Variants in CHRM2 observed in about 807,000 individuals in gnomAD.
The protein encoded by CHRM2 is muscarinic acetylcholine receptor M2.
In CHRM2, 8 loss-of-function variants were observed where a neutral mutation model predicts 25.0. The observed-to-expected ratio is 0.32, with a 90% CI of 0.19 to 0.58. The LOEUF is 0.58. CHRM2 is among the 20% of genes least tolerant of loss of function. CHRM2 has a pLI of 0.88. For synonymous variants in CHRM2, 202 were observed against 205.7 expected (o/e 0.98, Z 0.15); for missense variants, 440 against 567.1 (o/e 0.78, Z 2.28).
chr7:136,937,526 T>C (rs1799489576), intron 2 of CHRM2, among the ~76,000 whole-genome samples: 1 of 152,178 alleles, frequency 6.6e-6, no homozygotes, highest in Admixed American at 6.5e-5. Context: ...GCAATGACTG[T>C]AATCACATTA....
At chr7:136,963,381 G>A (rs749179664) in intron 2 of CHRM2, among the ~76,000 whole-genome samples, 4 of 152,100 alleles carry the variant, frequency 2.6e-5, no homozygotes, top group Non-Finnish European at 5.9e-5. Context: ...CTGCTCTTGA[G>A]GAACTTACAA....
intron 2 of CHRM2, among the ~76,000 whole-genome samples, chr7:136,981,708 C>T (rs1180610377): frequency 3.9e-5 from 6 of 152,074 alleles, no homozygotes; most frequent in Admixed American, 3.9e-4. Context: ...GCTATTTACC[C>T]AGTAGTTTTT....
At chr7:136,904,669 T>C (rs1797435173) in intron 2 of CHRM2, among the ~76,000 whole-genome samples, 1 of 151,964 alleles carries the variant, frequency 6.6e-6, no homozygotes, top group Admixed American at 6.6e-5. Context: ...TTCTGCATTA[T>C]AAAATTTTGA....
At chr7:136,953,534 A>C (rs1424546) in intron 2 of CHRM2, among the ~76,000 whole-genome samples, 47,263 of 151,934 alleles carry the variant, frequency 0.31, 7,801 homozygotes, top group East Asian at 0.43. Flanking sequence ...ATGGGACATT[A>C]AGTTATGCCA....
intron 2 of CHRM2, among the ~76,000 whole-genome samples, chr7:136,872,683 A>G (rs1046040272): frequency 1.3e-5 from 2 of 152,212 alleles, no homozygotes; most frequent in African/African-American, 4.8e-5. Flanking sequence ...AATGGAAGTT[A>G]GGCTGGCTAA....
intron 2 of CHRM2, among the ~76,000 whole-genome samples, chr7:136,931,375 C>T (rs1799094960): frequency 6.6e-6 from 1 of 152,100 alleles, no homozygotes. Flanking sequence ...GATTTTGATT[C>T]CTAAAGTGGC....
At chr7:136,943,245 A>G (rs1287343428) in intron 2 of CHRM2, among the ~76,000 whole-genome samples, 2 of 152,162 alleles carry the variant, frequency 1.3e-5, no homozygotes, top group Non-Finnish European at 2.9e-5. Context: ...AGCCGTACTG[A>G]ATAAATCTAT....
At chr7:136,952,452 T>C (rs1038979136) in intron 2 of CHRM2, among the ~76,000 whole-genome samples, 17 of 152,166 alleles carry the variant, frequency 1.1e-4, no homozygotes, top group African/African-American at 4.1e-4. Flanking sequence ...ACCAGTGGCA[T>C]TGTTCAAATT....
intron 2 of CHRM2, among the ~76,000 whole-genome samples, chr7:136,898,235 C>T (rs1440510681): frequency 6.6e-6 from 1 of 151,980 alleles, no homozygotes; most frequent in Non-Finnish European, 1.5e-5. Context: ...CTCATGTTAG[C>T]CTTATGTACT....
intron 2 of CHRM2, among the ~76,000 whole-genome samples, chr7:136,982,861 G>A (rs1259577285): frequency 6.6e-6 from 1 of 152,018 alleles, no homozygotes; most frequent in Non-Finnish European, 1.5e-5. Flanking sequence ...CTTTCTCTCT[G>A]CTGCCCTTAA....
At chr7:136,941,538 C>G (rs192526439) in intron 2 of CHRM2, among the ~76,000 whole-genome samples, 6 of 152,280 alleles carry the variant, frequency 3.9e-5, no homozygotes, top group African/African-American at 1.2e-4. Flanking sequence ...GTGTTCTCCC[C>G]ACATGGGTTT....
rs1268920919 is a variant in CHRM2 at position 137,016,167 on chromosome 7, T to G, written c.1302T>G (p.Thr434=). 1 of 1,613,102 alleles carries G rather than the reference T, an allele frequency of 6.2e-7. No homozygotes were observed. The highest frequency in any genetic ancestry group is 2.2e-5 in the East Asian group (1 of 44,794). ...IGYWLCYINS[T]INPACYALCN... is the part of the protein sequence containing the mutation. ...ACTGGCTTTGTTACATCAACAGCACTATCAACCCTGCCTGCTATGCACTTT... is the reference window on the plus strand; with the variant it reads ...ACTGGCTTTGTTACATCAACAGCACGATCAACCCTGCCTGCTATGCACTTT... Residue 434 remains threonine, a synonymous_variant, in exon 4 of 4, where the codon ACT becomes ACG. Transcript: ENST00000680005.
At chr7:136,931,043 G>A (rs549119660) in intron 2 of CHRM2, among the ~76,000 whole-genome samples, 8 of 152,020 alleles carry the variant, frequency 5.3e-5, no homozygotes, top group East Asian at 1.9e-4. Flanking sequence ...TTTCTGGTAC[G>A]ATTATCTCCT....
chr7:136,973,892 A>G (rs1386631618), intron 2 of CHRM2, among the ~76,000 whole-genome samples: 2 of 152,152 alleles, frequency 1.3e-5, no homozygotes, highest in East Asian at 3.8e-4. Flanking sequence ...AGAAAAATGT[A>G]ATGATTATTT....
intron 2 of CHRM2, among the ~76,000 whole-genome samples, chr7:136,981,239 T>A (rs1182642907): frequency 6.6e-6 from 1 of 152,222 alleles, no homozygotes; most frequent in Non-Finnish European, 1.5e-5. Context: ...CAGAGGTGTT[T>A]ATAGGATTCT....
chr7:137,003,640 T>C (rs762778476), intron 3 of CHRM2, among the ~76,000 whole-genome samples: 2 of 152,086 alleles, frequency 1.3e-5, no homozygotes, highest in African/African-American at 2.4e-5. Flanking sequence ...AGAATCCTAC[T>C]CTAACATGTT....
chr7:136,934,404 A>G (rs1584781818), intron 2 of CHRM2, among the ~76,000 whole-genome samples: 1 of 151,960 alleles, frequency 6.6e-6, no homozygotes, highest in Non-Finnish European at 1.5e-5. Flanking sequence ...GACTAAAATT[A>G]TTTTCTAGCC....
At chr7:136,896,895 T>C (rs934063128) in intron 2 of CHRM2, among the ~76,000 whole-genome samples, 1 of 151,980 alleles carries the variant, frequency 6.6e-6, no homozygotes, top group African/African-American at 2.4e-5. Context: ...AAAACAGAGA[T>C]ATGATTGATT....
chr7:136,984,250 C>T (rs924690053), intron 2 of CHRM2, among the ~76,000 whole-genome samples: 2 of 152,116 alleles, frequency 1.3e-5, no homozygotes, highest in Admixed American at 6.5e-5. Context: ...GAGGGGAAAG[C>T]CGCCTACTCA....
Sources: allele counts gnomAD v4.1 joint callset (sites outside exome capture counted in the v4.1 genomes callset), GRCh38; gene constraint gnomAD v4.1.1; transcripts MANE v1.5; gene names NCBI Gene and HGNC (gene_info 2026-07-23, HGNC 2026-07-21).